ADAMTS12: variants seen among roughly 807,000 people sequenced by gnomAD.
ADAMTS12 encodes ADAM metallopeptidase with thrombospondin type 1 motif 12.
A neutral mutation model predicts 167.8 loss-of-function variants in ADAMTS12; 118 were observed. That is an observed-to-expected ratio of 0.70 (90% CI 0.61 to 0.82). The LOEUF is 0.82. Ranked by LOEUF, ADAMTS12 falls within the 40% of genes least tolerant of loss-of-function variation. The pLI, the probability that ADAMTS12 is intolerant of heterozygous loss-of-function variation, is 0.00. For missense variants in ADAMTS12, 1,916 were observed against 1,998.8 expected (o/e 0.96, Z 0.79); for synonymous variants, 704 against 716.9 (o/e 0.98, Z 0.29).
intron 2 of ADAMTS12, among the ~76,000 whole-genome samples, chr5:33,855,991 CA>C (rs1466727912): frequency 2.0e-5 from 3 of 152,154 alleles, no homozygotes; most frequent in African/African-American, 7.2e-5. Context: ...CTCAGCCTCC[CA>C]AAGTGCTGGG....
intron 3 of ADAMTS12, among the ~76,000 whole-genome samples, chr5:33,692,813 A>G (rs909612545): frequency 6.6e-6 from 1 of 152,206 alleles, no homozygotes; most frequent in African/African-American, 2.4e-5. Flanking sequence ...ATTTCCCACA[A>G]TGGCTTCCAA....
At chr5:33,617,793 GA>G (rs5867196) in intron 14 of ADAMTS12, among the ~76,000 whole-genome samples, 16,623 of 145,770 alleles carry the variant, frequency 0.11, 1,279 homozygotes, top group East Asian at 0.37. Flanking sequence ...AACCTAAATA[GA>G]AAAAAAAAAC....
chr5:33,610,329 C>T (rs1019106972), intron 16 of ADAMTS12, among the ~76,000 whole-genome samples: 1 of 152,210 alleles, frequency 6.6e-6, no homozygotes, highest in African/African-American at 2.4e-5. Context: ...TTTCCGGTTT[C>T]ACATCGATTT....
At chr5:33,773,016 T>C (rs1745799774) in intron 2 of ADAMTS12, among the ~76,000 whole-genome samples, 1 of 152,220 alleles carries the variant, frequency 6.6e-6, no homozygotes, top group Non-Finnish European at 1.5e-5. Context: ...TTTGGAAAGG[T>C]AATCTTTTAG....
intron 9 of ADAMTS12, among the ~76,000 whole-genome samples, chr5:33,647,374 G>A (rs1740708795): frequency 6.6e-6 from 1 of 152,132 alleles, no homozygotes; most frequent in Admixed American, 6.5e-5. Context: ...TCAGAGTTGA[G>A]GGGAAGCGTT....
intron 14 of ADAMTS12, 101 bp downstream of exon 14, chr5:33,624,130 C>A: frequency 6.6e-7 from 1 of 1,511,640 alleles, no homozygotes; most frequent in Non-Finnish European, 9.0e-7. Flanking sequence ...AAATCACAGA[C>A]TGTTTAAAGA....
chr5:33,640,776 C>A (rs1291441674), intron 11 of ADAMTS12, among the ~76,000 whole-genome samples: 2 of 150,974 alleles, frequency 1.3e-5, no homozygotes, highest in Non-Finnish European at 3.0e-5. Flanking sequence ...AAATTCCTTA[C>A]ACATACTAAC....
Position 33,891,884 on chromosome 5 carries a change from CA to C in ADAMTS12, c.-29del, listed in dbSNP as rs747431561. On this transcript the variant is annotated 5_prime_UTR_variant, in exon 1 of 24. Transcript: ENST00000504830. Reference sequence around the variant, plus strand: ...TTCAGATGTTGAGGAGAAGAAAAGTCAAAAAAGTTTTAGCCCTCAGCTCCAG... The same window carrying C: ...TTCAGATGTTGAGGAGAAGAAAAGTCAAAAAGTTTTAGCCCTCAGCTCCAG... 1.2e-6 allele frequency: 2 copies of C among 1,602,022 alleles called. No individual in the cohort carries two copies. Among genetic ancestry groups the C allele is most frequent in the South Asian group, 2.2e-5 (2 of 88,978 alleles).
intron 3 of ADAMTS12, among the ~76,000 whole-genome samples, chr5:33,728,948 A>G (rs1462025411): frequency 1.3e-5 from 2 of 152,238 alleles, no homozygotes; most frequent in African/African-American, 4.8e-5. Context: ...GATATATCAT[A>G]TGCATATATG....
chr5:33,764,837 A>T (rs1333499888), intron 2 of ADAMTS12, among the ~76,000 whole-genome samples: 1 of 152,046 alleles, frequency 6.6e-6, no homozygotes, highest in African/African-American at 2.4e-5. Context: ...GCCCAAATTG[A>T]CCAGGCATCT....
At chr5:33,720,904 C>T (rs191778792) in intron 3 of ADAMTS12, among the ~76,000 whole-genome samples, 171 of 152,296 alleles carry the variant, frequency 1.1e-3, no homozygotes, top group African/African-American at 4.0e-3. Context: ...AGCATGTACA[C>T]ATTTTTACCA....
chr5:33,857,374 T>A (rs2111674468), intron 2 of ADAMTS12, among the ~76,000 whole-genome samples: 1 of 151,806 alleles, frequency 6.6e-6, no homozygotes, highest in East Asian at 1.9e-4. Flanking sequence ...AATACTGAAG[T>A]GTATACTTGA....
intron 2 of ADAMTS12, among the ~76,000 whole-genome samples, chr5:33,805,808 A>G (rs1747203448): frequency 6.6e-6 from 1 of 152,004 alleles, no homozygotes. Flanking sequence ...GGATAGCTTG[A>G]GCCCAGGAGT....
Position 33,785,300 on chromosome 5 carries a change from TA to T in ADAMTS12, c.490-33753del, listed in dbSNP as rs58021398. ...GATATGATACCAAAAGCACAGCTTG[TA>T]AAAAAAAAATGATAAATTGAACTTC... is the stretch of plus-strand genomic sequence containing the variant. On this transcript the variant is annotated intron_variant, in intron 2 of 23. Coordinates refer to ENST00000504830, the MANE Select transcript of ADAMTS12 (RefSeq NM_030955.4). 1.4e-3 allele frequency among the ~76,000 whole-genome samples: 215 copies of T among 149,612 alleles called. 2 individuals are homozygous for T. Among genetic ancestry groups the T allele is most frequent in the African/African-American group, 4.0e-3 (164 of 40,974 alleles).
chr5:33,866,559 C>T lies in ADAMTS12; in HGVS notation c.489+14560G>A, dbSNP rs1183239484. On this transcript the variant is annotated intron_variant, in intron 2 of 23. Transcript: ENST00000504830. Reference sequence around the variant, plus strand: ...ATGCAAAATATTTATGACTAGGACCCCAAAAGCAAATGCAACAAAACAAAA... The same window carrying T: ...ATGCAAAATATTTATGACTAGGACCTCAAAAGCAAATGCAACAAAACAAAA... 3.9e-5 allele frequency among the ~76,000 whole-genome samples: 6 copies of T among 152,096 alleles called. No individual in the cohort carries two copies. In the South Asian group the frequency reaches 6.2e-4, roughly 16 times the overall value.
rs375710694 is a variant in ADAMTS12, at chr5:33,704,020, T to C, written c.635-19965A>G. ...ACTTTCTAATGACGAATAAGCTTTT[T>C]GTTCCTTGTTTTTTGCATTCTTCAG... On this transcript the variant is annotated intron_variant, in intron 3 of 23. Transcript: ENST00000504830. Among the ~76,000 whole-genome samples the C allele has an allele frequency of 4.9e-3, 739 of 152,350 alleles. 47 individuals are homozygous for C. The South Asian group carries it at 0.15, about 30-fold the overall frequency.
chr5:33,648,338 T>A (rs10045260), intron 9 of ADAMTS12, among the ~76,000 whole-genome samples: 2,216 of 152,316 alleles, frequency 0.015, 56 homozygotes, highest in African/African-American at 0.051. Flanking sequence ...ACAGTGGTAA[T>A]GAAGAAGATA....
intron 9 of ADAMTS12, 137 bp downstream of exon 9, chr5:33,648,685 A>G (rs1242284001): frequency 9.0e-7 from 1 of 1,108,558 alleles, no homozygotes; most frequent in African/African-American, 1.5e-5. Context: ...TTTCCCTTAC[A>G]GACACACCTT....
At chr5:33,529,364 G>A (rs1579623544) in intron 23 of ADAMTS12, among the ~76,000 whole-genome samples, 1 of 152,086 alleles carries the variant, frequency 6.6e-6, no homozygotes, top group African/African-American at 2.4e-5. Context: ...TGGCCTACAC[G>A]TTCCAGGTCT....
Sources: allele counts gnomAD v4.1 joint callset (sites outside exome capture counted in the v4.1 genomes callset), GRCh38; gene constraint gnomAD v4.1.1; transcripts MANE v1.5; gene names NCBI Gene and HGNC (gene_info 2026-07-23, HGNC 2026-07-21).